The following TAF1 variants were observed in gnomAD, a reference collection of about 807,000 sequenced individuals.
TAF1 encodes transcription initiation factor TFIID subunit 1.
TAF1 carries 2 observed loss-of-function variants against 138.5 expected under a neutral mutation model. That is an observed-to-expected ratio of 0.01 (90% confidence interval 0.01 to 0.05). The LOEUF (loss-of-function observed/expected upper bound fraction) is 0.05. TAF1 is among the 10% of genes least tolerant of loss of function. The pLI, the probability that TAF1 is intolerant of heterozygous loss-of-function variation, is 1.00. For synonymous variants in TAF1, 437 were observed against 503.2 expected (o/e 0.87, Z 1.76); for missense variants, 709 against 1,478.0 (o/e 0.48, Z 8.53).
At chrX:71,379,175 G>A in intron 8 of TAF1, 144 bp downstream of exon 8, 4 of 600,037 alleles carry the variant, frequency 6.7e-6, no homozygotes, top group Non-Finnish European at 1.0e-5. Context: ...GAGTGCAATG[G>A]TGCAGTCTCG....
At chrX:71,506,747 T>A (rs1361872269) in intron 13 of TAF1, among the ~76,000 whole-genome samples, 1 of 110,385 alleles carries the variant, frequency 9.1e-6, no homozygotes, top group Non-Finnish European at 1.9e-5. Flanking sequence ...TCTACTCCTA[T>A]GTTTCTACCG....
intron 13 of TAF1, among the ~76,000 whole-genome samples, chrX:71,472,762 A>G (rs1270702245): frequency 8.9e-6 from 1 of 111,988 alleles, no homozygotes; most frequent in Non-Finnish European, 1.9e-5. Flanking sequence ...TAAAATAGTT[A>G]TCTATGTAAA....
rs2038681308 is a variant in TAF1, at chrX:71,464,498, A to G, written c.*452A>G. On this transcript the variant is annotated 3_prime_UTR_variant, in exon 38 of 38. Transcript: ENST00000423759. ...GGCGGGCAGATCACCTGAGGTCAGA[A>G]GTTCGAGACCAGCTTGGCCAACATG... The G allele has an allele frequency of 3.1e-5, 9 of 290,810 alleles. No homozygotes were observed. Among genetic ancestry groups the G allele is most frequent in the Non-Finnish European group, 5.4e-5 (9 of 167,268 alleles). The allele number at this position is 290,810 out of a possible 1,213,427, so 24.0% of individuals were successfully genotyped here. A position where few individuals can be genotyped will look rare whatever the true frequency, so the allele number is the denominator to read the frequency against.
intron 5 of TAF1, 128 bp from the exon 6 acceptor site, chrX:71,377,475 G>A: frequency 1.1e-6 from 1 of 881,196 alleles, no homozygotes; most frequent in Non-Finnish European, 1.5e-6. Flanking sequence ...TTACAAGTCT[G>A]AATGCGACAC....
At chrX:71,423,038 G>T in intron 29 of TAF1, 79 bp from the exon 30 acceptor site, 2 of 1,173,589 alleles carry the variant, frequency 1.7e-6, no homozygotes. Context: ...CACCACGCCC[G>T]GCAAATTGTC....
At chrX:71,483,803 T>TATATATACAC (rs1290090578) in intron 13 of TAF1, among the ~76,000 whole-genome samples, 12 of 92,872 alleles carry the variant, frequency 1.3e-4, no homozygotes, top group African/African-American at 5.1e-4. Context: ...TATATATATA[T>TATATATACAC]ACACACACAT....
intron 32 of TAF1, among the ~76,000 whole-genome samples, chrX:71,436,286 G>A (rs2037139549): frequency 2.0e-5 from 2 of 101,688 alleles, no homozygotes; most frequent in African/African-American, 7.3e-5. Flanking sequence ...CGCGATCTCG[G>A]CTCACTGCAA....
At chrX:71,437,296 T>G (rs1190562901) in intron 32 of TAF1, among the ~76,000 whole-genome samples, 1 of 111,587 alleles carries the variant, frequency 9.0e-6, no homozygotes, top group East Asian at 2.8e-4. Flanking sequence ...AATATAATGC[T>G]TAAAGTATTT....
intron 13 of TAF1, among the ~76,000 whole-genome samples, chrX:71,502,447 C>T (rs971429600): frequency 1.8e-5 from 2 of 112,056 alleles, no homozygotes; most frequent in Non-Finnish European, 3.8e-5. Flanking sequence ...ATTTACAGTC[C>T]TTTAGCTGGA....
chrX:71,477,010 C>T (rs1189085376), intron 13 of TAF1, among the ~76,000 whole-genome samples: 7 of 109,120 alleles, frequency 6.4e-5, no homozygotes. Context: ...GTAATCTTGG[C>T]TCCCTACAAC....
chrX:71,500,115 A>G (rs1216967803), intron 13 of TAF1, among the ~76,000 whole-genome samples: 1 of 110,677 alleles, frequency 9.0e-6, no homozygotes, highest in East Asian at 2.8e-4. Flanking sequence ...GAGGAGGCTT[A>G]TCATTAATAG....
chrX:71,470,842 A>G (rs1321286102), downstream of TAF1, among the ~76,000 whole-genome samples: 1 of 106,318 alleles, frequency 9.4e-6, no homozygotes, highest in African/African-American at 3.4e-5. Flanking sequence ...AACACAAAAT[A>G]AAATAAAATA....
chrX:71,448,786 A>G (rs1053116488), intron 32 of TAF1, among the ~76,000 whole-genome samples: 1 of 107,597 alleles, frequency 9.3e-6, no homozygotes, highest in African/African-American at 3.4e-5. Flanking sequence ...GTATTAGTGG[A>G]TATTTCTTTT....
Position 71,464,572 on chromosome X carries a change from G to A in TAF1, c.*526G>A. The A allele has an allele frequency of 4.4e-6, 1 of 224,975 alleles. No homozygotes were observed. Among genetic ancestry groups the A allele is most frequent in the Non-Finnish European group, 8.0e-6 (1 of 125,267 alleles). The allele number at this position is 224,975 out of a possible 1,213,427, so 18.5% of individuals were successfully genotyped here. Reference sequence around the variant, plus strand: ...ATACAAAAATTAGCCAGGTGTGGTGGCGTATGCCTGTTAATCCTAGCTACT... The same window carrying A: ...ATACAAAAATTAGCCAGGTGTGGTGACGTATGCCTGTTAATCCTAGCTACT... On this transcript the variant is annotated 3_prime_UTR_variant, in exon 38 of 38. Transcript: ENST00000423759.
intron 13 of TAF1, among the ~76,000 whole-genome samples, chrX:71,512,014 C>CAAA (rs776364300): frequency 1.3e-5 from 1 of 77,157 alleles, no homozygotes; most frequent in Non-Finnish European, 2.5e-5. Context: ...GACCTTGTCT[C>CAAA]AAAAAAAAAA....
Position 71,388,876 on chromosome X carries a change from CCTTCCT to C in TAF1, c.2700+12_2700+17del. ...GCAGAGCAACGACTGAAGGTGAACA[CCTTCCT>C]CTTAGACACCACTTATGCCTGTGGT... On this transcript the variant is annotated intron_variant, in intron 17 of 37. Coordinates refer to ENST00000423759, the MANE Select transcript of TAF1 (RefSeq NM_004606.5). The C allele has an allele frequency of 8.3e-7, 1 of 1,200,824 alleles. No homozygotes were observed. Among genetic ancestry groups the C allele is most frequent in the Non-Finnish European group, 1.1e-6 (1 of 889,131 alleles).
intron 23 of TAF1, among the ~76,000 whole-genome samples, chrX:71,398,294 C>T (rs756641467): frequency 9.2e-6 from 1 of 108,699 alleles, no homozygotes; most frequent in African/African-American, 3.4e-5. Flanking sequence ...GCCAAGATCT[C>T]GCCACTGCAC....
intron 13 of TAF1, among the ~76,000 whole-genome samples, chrX:71,474,500 T>C (rs1420168591): frequency 9.0e-6 from 1 of 111,589 alleles, no homozygotes; most frequent in African/African-American, 3.3e-5. Flanking sequence ...ATTTGGTGAC[T>C]GACTATTATT....
intron 13 of TAF1, among the ~76,000 whole-genome samples, chrX:71,525,849 G>A (rs2147646085): frequency 9.8e-6 from 1 of 102,186 alleles, no homozygotes; most frequent in East Asian, 3.0e-4. Flanking sequence ...TTTTTTTGTA[G>A]AGATGGGGTT....
Sources: allele counts gnomAD v4.1 joint callset (sites outside exome capture counted in the v4.1 genomes callset), GRCh38; gene constraint gnomAD v4.1.1; transcripts MANE v1.5; gene names NCBI Gene and HGNC (gene_info 2026-07-23, HGNC 2026-07-21).